Variants in LRP1B observed in about 807,000 individuals in gnomAD.
LRP1B encodes LDL receptor related protein 1B, also known as low-density lipoprotein receptor-related protein 1B.
A neutral mutation model predicts 556.6 loss-of-function variants in LRP1B; 217 were observed. That is an observed-to-expected ratio of 0.39 (90% CI 0.35 to 0.44). LRP1B has a LOEUF of 0.44. Among genes scored for constraint, LRP1B ranks in the 20% least tolerant of loss-of-function variants. The probability of loss-of-function intolerance (pLI) is 1.00; values close to 1 mark genes in which losing one functional copy is unlikely to be tolerated. For missense variants in LRP1B, 5,053 were observed against 5,620.8 expected (o/e 0.90, Z 3.23); for synonymous variants, 2,047 against 1,865.8 (o/e 1.10, Z -2.50).
At chr2:142,095,156 C>A in intron 1 of LRP1B, among the ~76,000 whole-genome samples, 1 of 146,646 alleles carries the variant, frequency 6.8e-6, no homozygotes, top group Non-Finnish European at 1.5e-5. Context: ...TTTTTTAAAT[C>A]AGCAGATGGA....
intron 41 of LRP1B, among the ~76,000 whole-genome samples, chr2:140,666,817 G>A (rs926463548): frequency 6.6e-5 from 10 of 152,100 alleles, no homozygotes; most frequent in African/African-American, 1.2e-4. Flanking sequence ...AGATGCATAC[G>A]GGAAAACACC....
At chr2:141,713,376 G>A (rs1192873522) in intron 2 of LRP1B, among the ~76,000 whole-genome samples, 1 of 152,104 alleles carries the variant, frequency 6.6e-6, no homozygotes, top group African/African-American at 2.4e-5. Flanking sequence ...TTAATTCAGT[G>A]ACAAAGCTAT....
intron 7 of LRP1B, among the ~76,000 whole-genome samples, chr2:141,067,950 G>A (rs1199762410): frequency 6.6e-6 from 1 of 151,780 alleles, no homozygotes; most frequent in Non-Finnish European, 1.5e-5. Flanking sequence ...CTTGAGTGAG[G>A]GATTCTCCAG....
chr2:141,474,000 ATTCCTTCCTTCC>A lies in LRP1B; in HGVS notation c.343+6384_343+6395del, dbSNP rs70994427. Among the ~76,000 whole-genome samples the A allele has an allele frequency of 3.1e-3, 405 of 130,522 alleles. 7 individuals carry two copies. Among genetic ancestry groups the A allele is most frequent in the African/African-American group, 0.01 (348 of 33,980 alleles). 85.6% of individuals were successfully genotyped at this position (130,522 alleles called of 152,430 possible). A position where few individuals can be genotyped will look rare whatever the true frequency, so the allele number is the denominator to read the frequency against. ...TTTTCTTCTTCAGTAGCTTTACTAA[ATTCCTTCCTTCC>A]TTCCTTCCTTCCTTCCTTCCTTCCT... On this transcript the variant is annotated intron_variant, in intron 3 of 90. Coordinates refer to ENST00000389484, the MANE Select transcript of LRP1B (RefSeq NM_018557.3).
intron 3 of LRP1B, among the ~76,000 whole-genome samples, chr2:141,280,357 G>A (rs1685466385): frequency 6.6e-6 from 1 of 151,982 alleles, no homozygotes; most frequent in African/African-American, 2.4e-5. Context: ...AGTTTTAAAT[G>A]TGTCTTTTGA....
intron 3 of LRP1B, among the ~76,000 whole-genome samples, chr2:141,286,087 A>C (rs1685710688): frequency 6.8e-6 from 1 of 147,212 alleles, no homozygotes; most frequent in Admixed American, 6.7e-5. Flanking sequence ...AAAAAAAAAA[A>C]ATGTTCAATA....
At chr2:141,196,147 T>C (rs947025755) in intron 6 of LRP1B, among the ~76,000 whole-genome samples, 2 of 152,098 alleles carry the variant, frequency 1.3e-5, no homozygotes, top group Non-Finnish European at 2.9e-5. Context: ...TTGTTTTCAA[T>C]GCAATTTTTA....
intron 22 of LRP1B, among the ~76,000 whole-genome samples, chr2:140,903,545 AC>A (rs1694163070): frequency 6.6e-6 from 1 of 152,084 alleles, no homozygotes; most frequent in Admixed American, 6.6e-5. Context: ...AGATGTACAT[AC>A]CATGATGATC....
intron 3 of LRP1B, among the ~76,000 whole-genome samples, chr2:141,287,886 T>A (rs1685781055): frequency 6.6e-6 from 1 of 152,218 alleles, no homozygotes; most frequent in African/African-American, 2.4e-5. Flanking sequence ...TACATAATTG[T>A]TTATTTCTAC....
intron 3 of LRP1B, among the ~76,000 whole-genome samples, chr2:141,259,892 C>T (rs575527975): frequency 4.1e-4 from 57 of 138,514 alleles, no homozygotes; most frequent in Middle Eastern, 4.3e-3. Context: ...TTTTTATTAT[C>T]ATAATCATTT....
At chr2:142,001,976 C>T (rs551849376) in intron 1 of LRP1B, among the ~76,000 whole-genome samples, 1 of 152,086 alleles carries the variant, frequency 6.6e-6, no homozygotes, top group African/African-American at 2.4e-5. Context: ...ACTTTGAACA[C>T]TTACCCAACT....
At chr2:140,315,894 A>G (rs1016283379) in intron 82 of LRP1B, among the ~76,000 whole-genome samples, 1 of 152,134 alleles carries the variant, frequency 6.6e-6, no homozygotes, top group Non-Finnish European at 1.5e-5. Flanking sequence ...AAAGTCATTG[A>G]GATTTGGTAC....
In LRP1B at chr2:141,383,730, T is replaced by A. The variant is rs144004228; in HGVS notation, c.343+96666A>T. The stretch of plus-strand genomic sequence containing the variant: ...TAACATAGATGAACCTATAGGACAT[T>A]ATGGTAAGTAAAATATGTCCAGATG... On this transcript the variant is annotated intron_variant, in intron 3 of 90. Coordinates refer to ENST00000389484, the MANE Select transcript of LRP1B (RefSeq NM_018557.3). 2.6e-3 allele frequency among the ~76,000 whole-genome samples: 393 copies of A among 152,286 alleles called. 1 individual carries two copies. Among genetic ancestry groups the A allele is most frequent in the African/African-American group, 9.0e-3 (373 of 41,550 alleles).
intron 3 of LRP1B, among the ~76,000 whole-genome samples, chr2:141,255,168 C>A (rs1219656225): frequency 2.0e-5 from 3 of 151,830 alleles, no homozygotes; most frequent in Non-Finnish European, 4.4e-5. Flanking sequence ...ATGATTAAAG[C>A]AAAAGTTAGC....
At chr2:140,777,787 A>G (rs185315581) in intron 32 of LRP1B, among the ~76,000 whole-genome samples, 1 of 152,290 alleles carries the variant, frequency 6.6e-6, no homozygotes, top group African/African-American at 2.4e-5. Context: ...GAACAATTAC[A>G]AAAGAAGAGT....
chr2:141,506,346 T>C (rs776186714), intron 2 of LRP1B, among the ~76,000 whole-genome samples: 19 of 152,154 alleles, frequency 1.2e-4, no homozygotes, highest in Non-Finnish European at 2.5e-4. Flanking sequence ...TCAACTGTTA[T>C]AATGACATGC....
chr2:140,894,430 T>A (rs1329821806), intron 23 of LRP1B, among the ~76,000 whole-genome samples: 1 of 151,316 alleles, frequency 6.6e-6, no homozygotes, highest in Admixed American at 6.6e-5. Flanking sequence ...GAGATCTGAA[T>A]CCAAGAAACA....
intron 2 of LRP1B, among the ~76,000 whole-genome samples, chr2:141,722,638 C>T (rs1259907801): frequency 6.6e-6 from 1 of 152,026 alleles, no homozygotes; most frequent in Non-Finnish European, 1.5e-5. Flanking sequence ...CTCCCATTGC[C>T]CACTGTCACA....
chr2:140,775,189 T>C (rs1317763617), intron 33 of LRP1B, among the ~76,000 whole-genome samples: 2 of 152,024 alleles, frequency 1.3e-5, no homozygotes, highest in African/African-American at 4.8e-5. Context: ...CCATTTTATC[T>C]CCTGATGTGC....
Sources: gnomAD v4.1 joint callset for allele counts (sites outside exome capture counted in the v4.1 genomes callset) on GRCh38, gnomAD v4.1.1 for gene constraint, MANE v1.5 for transcripts, NCBI Gene and HGNC (gene_info 2026-07-23, HGNC 2026-07-21) for gene names.